The following NXT1 variants were observed in gnomAD, a reference collection of about 807,000 sequenced individuals.
The protein encoded by NXT1 is NTF2-related export protein 1.
In NXT1, 3 loss-of-function variants were observed where a neutral mutation model predicts 9.9. The ratio of observed to expected loss-of-function variants is 0.30; its 90% confidence interval spans 0.14 to 0.79. The LOEUF (loss-of-function observed/expected upper bound fraction) is 0.79. NXT1 is among the 30% of genes least tolerant of loss of function. The pLI is 0.63. For missense variants in NXT1, 91 were observed against 178.2 expected (o/e 0.51, Z 2.79); for synonymous variants, 53 against 66.5 (o/e 0.80, Z 0.99).
intron 1 of NXT1, among the ~76,000 whole-genome samples, chr20:23,353,013 C>T (rs1300327008): frequency 6.6e-6 from 1 of 152,182 alleles, no homozygotes; most frequent in Non-Finnish European, 1.5e-5. Context: ...CCAGTTCCTC[C>T]TGAGTGAGCT....
intron 1 of NXT1, among the ~76,000 whole-genome samples, chr20:23,353,606 TGA>T (rs777598497): frequency 6.6e-6 from 1 of 152,126 alleles, no homozygotes; most frequent in Non-Finnish European, 1.5e-5. Context: ...GGTGATAAAG[TGA>T]GACTGTCACA....
intron 1 of NXT1, among the ~76,000 whole-genome samples, chr20:23,351,883 A>G (rs552857114): frequency 5.5e-4 from 84 of 152,348 alleles, no homozygotes; most frequent in African/African-American, 1.8e-3. Flanking sequence ...TAAAATTGTT[A>G]TAGTAATACC....
At chr20:23,353,885 A>G (rs1980336707) in intron 1 of NXT1, 96 bp from the exon 2 acceptor site, 2 of 700,702 alleles carry the variant, frequency 2.9e-6, no homozygotes, top group Non-Finnish European at 4.8e-6. Flanking sequence ...GTCTGTAACT[A>G]TTTTGCCAGT....
At position 23,354,085 on chromosome 20, in the gene NXT1, G is replaced by T. The variant is rs1309683997; in HGVS notation, c.44G>T (p.Arg15Ile). The T allele has an allele frequency of 1.2e-6, 2 of 1,614,142 alleles. No homozygotes were observed. The highest frequency in any genetic ancestry group is 8.5e-7 in the Non-Finnish European group (1 of 1,180,032). Residue 15 changes from arginine (R) to isoleucine (I), a missense_variant, in exon 2 of 2, where the codon AGA becomes ATA. Arg to Ile is a moderately conservative substitution (Grantham distance 97). Coordinates refer to ENST00000254998, the MANE Select transcript of NXT1 (RefSeq NM_013248.3). ...DFKTYVDQAC[R>I]AAEEFVNVYY... The stretch of plus-strand genomic sequence containing the variant: ...AAGACCTATGTGGATCAGGCCTGCA[G>T]AGCTGCTGAGGAGTTTGTCAATGTC...
At chr20:23,352,107 A>C (rs1980282662) in intron 1 of NXT1, among the ~76,000 whole-genome samples, 1 of 152,164 alleles carries the variant, frequency 6.6e-6, no homozygotes. Context: ...TATAACAACT[A>C]TTTACATCCC....
At chr20:23,351,814 A>G (rs1980276107) in intron 1 of NXT1, among the ~76,000 whole-genome samples, 1 of 152,246 alleles carries the variant, frequency 6.6e-6, no homozygotes, top group South Asian at 2.1e-4. Flanking sequence ...ACGATAGATC[A>G]GGAGTGTACT....
In NXT1 at chr20:23,353,990, C is replaced by T; in HGVS notation, c.-52C>T. ...CCTTACTTCCCTGCAGCCCCTGGTTCCCCAAGGCAGAGGAAATACCCTGGT... is the reference window on the plus strand; with the variant it reads ...CCTTACTTCCCTGCAGCCCCTGGTTTCCCAAGGCAGAGGAAATACCCTGGT... On this transcript the variant is annotated 5_prime_UTR_variant, in exon 2 of 2. Transcript: ENST00000254998. 6.4e-7 allele frequency: 1 copy of T among 1,565,252 alleles called. No homozygotes were observed. Among genetic ancestry groups the T allele is most frequent in the Non-Finnish European group, 8.7e-7 (1 of 1,148,372 alleles).
chr20:23,352,170 G>A (rs1980285417), intron 1 of NXT1, among the ~76,000 whole-genome samples: 1 of 152,182 alleles, frequency 6.6e-6, no homozygotes, highest in African/African-American at 2.4e-5. Context: ...AAGGTATATA[G>A]GAGGATGCTG....
chr20:23,353,232 C>G (rs1198924419), intron 1 of NXT1, among the ~76,000 whole-genome samples: 1 of 152,296 alleles, frequency 6.6e-6, no homozygotes, highest in East Asian at 1.9e-4. Context: ...ATTCGTGGTC[C>G]AATCAGGCCT....
chr20:23,354,688 C>G lies in NXT1; in HGVS notation c.*224C>G. The G allele has an allele frequency of 1.8e-6, 1 of 548,144 alleles. No individual in the cohort carries two copies. The highest frequency in any genetic ancestry group is 3.1e-5 in the East Asian group (1 of 32,004). 34.0% of individuals were successfully genotyped at this position (548,144 alleles called of 1,614,324 possible). A position where few individuals can be genotyped will look rare whatever the true frequency, so the allele number is the denominator to read the frequency against. ...ATAGTTTCCTTTTCAAAGTAGTAAA[C>G]TTTTCTATTTTTCTACTTGCCCAGT... On this transcript the variant is annotated 3_prime_UTR_variant, in exon 2 of 2. Transcript: ENST00000254998.
intron 1 of NXT1, among the ~76,000 whole-genome samples, chr20:23,353,075 T>G (rs1399357324): frequency 6.6e-6 from 1 of 152,238 alleles, no homozygotes; most frequent in Non-Finnish European, 1.5e-5. Flanking sequence ...ATTGGTTTGG[T>G]TGGCCTTTAT....
At chr20:23,351,753 CA>C (rs1787649606) in intron 1 of NXT1, among the ~76,000 whole-genome samples, 6 of 152,330 alleles carry the variant, frequency 3.9e-5, no homozygotes, top group Admixed American at 3.9e-4. Flanking sequence ...TACGCGAGTA[CA>C]AGGACAGCGT....
At chr20:23,353,954 C>A in intron 1 of NXT1, 27 bp from the exon 2 acceptor site, 2 of 1,347,064 alleles carry the variant, frequency 1.5e-6, no homozygotes, top group Non-Finnish European at 2.1e-6. Context: ...ATTCACGTGG[C>A]TTCTCTTCAA....
rs1980238780 is a variant in NXT1, at chr20:23,350,886, CT to C, written c.-236del. The C allele has an allele frequency of 6.6e-6, 1 of 152,306 alleles. No individual in the cohort carries two copies. Among genetic ancestry groups the C allele is most frequent in the African/African-American group, 2.4e-5 (1 of 41,578 alleles). 9.4% of individuals were successfully genotyped at this position (152,306 alleles called of 1,614,324 possible). ...GGGGCCCCGGTGACCCAGAGTAAGC[CT>C]CCAAGAAGGAGGAGGAGGAGAGAAA... On this transcript the variant is annotated 5_prime_UTR_variant, in exon 1 of 2. Coordinates refer to ENST00000254998, the MANE Select transcript of NXT1 (RefSeq NM_013248.3).
rs562175759 is a variant in NXT1, at chr20:23,353,574, C to T, written c.-61-407C>T. Among the ~76,000 whole-genome samples, 30 of 152,254 alleles carry T rather than the reference C, an allele frequency of 2.0e-4. No individual in the cohort carries two copies. The South Asian group carries it at 6.0e-3, about 31-fold the overall frequency. On this transcript the variant is annotated intron_variant, in intron 1 of 1. Transcript: ENST00000254998. ...GGCAGGTGTTGCAGTGAGCCGAGGTCGCGCCACTGCACTCCAGCCTGGGTG... is the reference window on the plus strand; with the variant it reads ...GGCAGGTGTTGCAGTGAGCCGAGGTTGCGCCACTGCACTCCAGCCTGGGTG...
chr20:23,354,325 T>C lies in NXT1; in HGVS notation c.284T>C (p.Ile95Thr). The change falls in exon 2 of 2, where the codon ATC becomes ACC. Residue 95 changes from isoleucine (I) to threonine (T), a missense_variant. By Grantham distance (89) the Ile-to-Thr change is moderately conservative. Transcript: ENST00000254998. Reference sequence around the variant, plus strand: ...AGCCAGACCACGGTCCTTGTTGTCATCTGTGGATCAGTGAAGTTTGAGGGG... The same window carrying C: ...AGCCAGACCACGGTCCTTGTTGTCACCTGTGGATCAGTGAAGTTTGAGGGG... ...TPSQTTVLVV[I>T]CGSVKFEGNK... The C allele has an allele frequency of 6.2e-7, 1 of 1,614,234 alleles. No homozygotes were observed. The highest frequency in any genetic ancestry group is 1.1e-5 in the South Asian group (1 of 91,090).
intron 1 of NXT1, among the ~76,000 whole-genome samples, chr20:23,352,986 C>G (rs1980315508): frequency 6.6e-6 from 1 of 152,146 alleles, no homozygotes; most frequent in Non-Finnish European, 1.5e-5. Context: ...CTTAAGAAAC[C>G]TGCCTTCTCT....
intron 1 of NXT1, among the ~76,000 whole-genome samples, chr20:23,352,913 C>G (rs143493391): frequency 2.0e-5 from 3 of 152,148 alleles, no homozygotes; most frequent in Non-Finnish European, 2.9e-5. Context: ...CTGCTTCTAG[C>G]TTATCATGGG....
At chr20:23,353,905 G>C in intron 1 of NXT1, 76 bp from the exon 2 acceptor site, 1 of 816,754 alleles carries the variant, frequency 1.2e-6, no homozygotes, top group South Asian at 1.7e-5. Flanking sequence ...TAGTAGAAAA[G>C]GAGGAATGTT....
Sources: allele counts gnomAD v4.1 joint callset (sites outside exome capture counted in the v4.1 genomes callset), GRCh38; gene constraint gnomAD v4.1.1; transcripts MANE v1.5; gene names NCBI Gene and HGNC (gene_info 2026-07-23, HGNC 2026-07-21).